Variants in MAGI1 observed in about 807,000 individuals in gnomAD.
The protein encoded by MAGI1 is membrane associated guanylate kinase, WW and PDZ domain containing 1, also known as membrane-associated guanylate kinase, WW and PDZ domain-containing protein 1.
Under a neutral mutation model 139.9 loss-of-function variants are expected in MAGI1, and 58 were observed. The observed-to-expected ratio is 0.41, with a 90% confidence interval of 0.34 to 0.52. The LOEUF is 0.52. MAGI1 is among the 20% of genes least tolerant of loss of function. The probability of loss-of-function intolerance (pLI) is 0.12; values close to 1 mark genes in which losing one functional copy is unlikely to be tolerated. For missense variants in MAGI1, 1,874 were observed against 1,901.6 expected, an observed-to-expected ratio of 0.99 and a Z score of 0.27; for synonymous variants, 812 against 737.9, an observed-to-expected ratio of 1.10 and a Z score of -1.63.
chr3:65,979,602 T>C (rs1313337906), intron 1 of MAGI1, among the ~76,000 whole-genome samples: 4 of 152,198 alleles, frequency 2.6e-5, no homozygotes. Flanking sequence ...GAAATGAATA[T>C]CCTTTCTCTT....
At chr3:65,651,261 G>A (rs767772888) in intron 1 of MAGI1, among the ~76,000 whole-genome samples, 3 of 152,040 alleles carry the variant, frequency 2.0e-5, no homozygotes, top group Admixed American at 6.6e-5. Context: ...GAACCTGCCT[G>A]GTTTTAGCCA....
At chr3:65,662,938 C>T (rs1323601296) in intron 1 of MAGI1, among the ~76,000 whole-genome samples, 1 of 152,104 alleles carries the variant, frequency 6.6e-6, no homozygotes, top group Non-Finnish European at 1.5e-5. Context: ...TTTCTGTCCA[C>T]TTCCTGAAGT....
intron 5 of MAGI1, among the ~76,000 whole-genome samples, chr3:65,467,786 C>T (rs1950262166): frequency 6.6e-6 from 1 of 152,200 alleles, no homozygotes; most frequent in Admixed American, 6.5e-5. Flanking sequence ...CCAGGAACAC[C>T]TATTATCCTT....
chr3:65,711,915 G>A (rs949119335), intron 1 of MAGI1, among the ~76,000 whole-genome samples: 5 of 152,162 alleles, frequency 3.3e-5, no homozygotes, highest in African/African-American at 1.2e-4. Flanking sequence ...TCCCCATATT[G>A]TAGACTCTCT....
At chr3:65,765,984 C>T (rs9817949) in intron 1 of MAGI1, among the ~76,000 whole-genome samples, 1,904 of 152,288 alleles carry the variant, frequency 0.013, 41 homozygotes, top group African/African-American at 0.043. Flanking sequence ...AGCCTCGGTC[C>T]CATCTGTGGC....
At chr3:65,888,295 A>C (rs555150397) in intron 1 of MAGI1, among the ~76,000 whole-genome samples, 1 of 152,324 alleles carries the variant, frequency 6.6e-6, no homozygotes, top group African/African-American at 2.4e-5. Flanking sequence ...CAAAAGCACA[A>C]GAATAGTCAA....
chr3:65,809,008 T>C (rs970259306), intron 1 of MAGI1, among the ~76,000 whole-genome samples: 10 of 152,168 alleles, frequency 6.6e-5, no homozygotes, highest in Non-Finnish European at 1.5e-4. Flanking sequence ...GTGTGAATAA[T>C]CTAAAGTACA....
chr3:65,800,627 T>C (rs7635808), intron 1 of MAGI1, among the ~76,000 whole-genome samples: 4,219 of 124,766 alleles, frequency 0.034, 150 homozygotes, highest in African/African-American at 0.095. Flanking sequence ...AAATACGTTT[T>C]TTAATTAGAT....
intron 1 of MAGI1, chr3:65,873,833 C>T (rs2060019949): frequency 2.6e-5 from 4 of 152,040 alleles, no homozygotes; most frequent in Admixed American, 6.6e-5. Flanking sequence ...GGACCATATA[C>T]CTAAATGTAA....
intron 1 of MAGI1, among the ~76,000 whole-genome samples, chr3:65,835,526 T>G (rs1019071761): frequency 6.6e-5 from 10 of 152,240 alleles, no homozygotes; most frequent in Non-Finnish European, 1.5e-4. Context: ...TTCCTGAGTT[T>G]CTGATTCTTG....
At chr3:65,880,532 C>G (rs62245744) in intron 1 of MAGI1, among the ~76,000 whole-genome samples, 2 of 152,008 alleles carry the variant, frequency 1.3e-5, no homozygotes, top group Non-Finnish European at 2.9e-5. Context: ...CAATTATGAA[C>G]AAGAAATACT....
At chr3:65,456,408 G>A (rs1949393338) in intron 5 of MAGI1, among the ~76,000 whole-genome samples, 1 of 151,412 alleles carries the variant, frequency 6.6e-6, no homozygotes, top group Admixed American at 6.6e-5. Flanking sequence ...GGAGTTTTGA[G>A]AGTCCTTTGT....
chr3:65,729,845 A>G (rs750840308), intron 1 of MAGI1, among the ~76,000 whole-genome samples: 10 of 152,234 alleles, frequency 6.6e-5, no homozygotes, highest in Non-Finnish European at 8.8e-5. Flanking sequence ...GCCGTTAGCA[A>G]CAAAAGGCAG....
intron 1 of MAGI1, among the ~76,000 whole-genome samples, chr3:65,788,402 C>T (rs2039536484): frequency 6.6e-6 from 1 of 152,240 alleles, no homozygotes; most frequent in Non-Finnish European, 1.5e-5. Flanking sequence ...ACCATAACAG[C>T]TGCTTCCTTC....
At chr3:65,587,882 C>T (rs909394264) in intron 2 of MAGI1, among the ~76,000 whole-genome samples, 8 of 152,116 alleles carry the variant, frequency 5.3e-5, no homozygotes, top group African/African-American at 1.9e-4. Flanking sequence ...CACAATGAAA[C>T]AACAGAAGCA....
intron 1 of MAGI1, among the ~76,000 whole-genome samples, chr3:65,701,432 T>C (rs990883329): frequency 5.9e-5 from 9 of 152,186 alleles, no homozygotes; most frequent in Non-Finnish European, 1.2e-4. Context: ...TTTGTATTTT[T>C]AGTAGAGACG....
chr3:65,635,911 A>G (rs1368644201), intron 1 of MAGI1, among the ~76,000 whole-genome samples: 11 of 152,232 alleles, frequency 7.2e-5, no homozygotes, highest in Non-Finnish European at 2.9e-5. Context: ...GCATTACAGT[A>G]TAGCATGCCA....
chr3:65,359,446 A>G (rs1016661240), intron 22 of MAGI1: 3 of 1,164,282 alleles, frequency 2.6e-6, no homozygotes, highest in Non-Finnish European at 3.2e-6. Flanking sequence ...GTTTTTTCAA[A>G]CAACTGGAAC....
intron 3 of MAGI1, among the ~76,000 whole-genome samples, chr3:65,488,457 C>T (rs1165642956): frequency 4.6e-5 from 7 of 151,424 alleles, no homozygotes; most frequent in South Asian, 4.2e-4. Context: ...CCACCTCAGC[C>T]TCCCAAGTAG....
Sources: gnomAD v4.1 joint callset for allele counts (sites outside exome capture counted in the v4.1 genomes callset) on GRCh38, gnomAD v4.1.1 for gene constraint, MANE v1.5 for transcripts, NCBI Gene and HGNC (gene_info 2026-07-23, HGNC 2026-07-21) for gene names.